The following CNTNAP3 variants were observed in gnomAD, a reference collection of about 807,000 sequenced individuals.
CNTNAP3 encodes the protein contactin-associated protein-like 3.
In CNTNAP3, 36 loss-of-function variants were observed where a neutral mutation model predicts 92.1. The ratio of observed to expected loss-of-function variants is 0.39; its 90% CI spans 0.30 to 0.52. The LOEUF (loss-of-function observed/expected upper bound fraction) is 0.52, where lower values mean the gene tolerates loss of function less well. Among genes scored for constraint, CNTNAP3 ranks in the 20% least tolerant of loss-of-function variants. CNTNAP3 has a pLI of 0.76. For synonymous variants in CNTNAP3, 232 were observed against 422.3 expected (o/e 0.55, Z 5.53); for missense variants, 534 against 1,069.6 (o/e 0.50, Z 6.98).
rs184603263 is a variant in CNTNAP3, at chr9:39,130,963, T to C, written c.2080+1969A>G. 1.8e-3 allele frequency among the ~76,000 whole-genome samples: 267 copies of C among 152,246 alleles called. 2 individuals carry two copies. Among genetic ancestry groups the C allele is most frequent in the African/African-American group, 6.3e-3 (260 of 41,526 alleles). On this transcript the variant is annotated intron_variant, in intron 13 of 23. Transcript: ENST00000297668. ...GGTTCTCTCTGTTACTTCTCACAAG[T>C]GTATGTAAATCTACAATTATCTCAA...
intron 10 of CNTNAP3, 77 bp downstream of exon 10, chr9:39,149,729 C>T (rs1402772526): frequency 5.3e-6 from 4 of 758,360 alleles, no homozygotes; most frequent in Non-Finnish European, 6.4e-6. Context: ...GAACGGAATG[C>T]CTTTTTCCAG....
At chr9:39,078,524 A>AT (rs1825844509) in intron 22 of CNTNAP3, 68 bp from the exon 23 acceptor site, 1 of 1,605,692 alleles carries the variant, frequency 6.2e-7, no homozygotes, top group African/African-American at 1.3e-5. Context: ...TACACATAGC[A>AT]AACTTGTCAA....
chr9:39,140,649 A>G lies in CNTNAP3; in HGVS notation c.1757-11T>C, dbSNP rs753672257. 6 of 1,580,488 alleles carry G rather than the reference A, an allele frequency of 3.8e-6. No individual in the cohort carries two copies. Among genetic ancestry groups the G allele is most frequent in the Non-Finnish European group, 5.1e-6 (6 of 1,168,812 alleles). ...ACTGCTCGTAGAGAGCTGTAGGAGA[A>G]CACCAGCCATAAGAACCAGAAAAAA... On this transcript the variant is annotated splice_polypyrimidine_tract_variant and intron_variant, in intron 11 of 23. Coordinates refer to ENST00000297668, the MANE Select transcript of CNTNAP3 (RefSeq NM_033655.5).
At chr9:39,108,245 TC>T (rs946788004) in intron 15 of CNTNAP3, among the ~76,000 whole-genome samples, 2 of 151,928 alleles carry the variant, frequency 1.3e-5, no homozygotes, top group Non-Finnish European at 2.9e-5. Context: ...GGTCCGGGAC[TC>T]CTTCATCAAG....
At chr9:39,113,141 T>C (rs1472842742) in intron 14 of CNTNAP3, among the ~76,000 whole-genome samples, 1 of 152,074 alleles carries the variant, frequency 6.6e-6, no homozygotes, top group Non-Finnish European at 1.5e-5. Flanking sequence ...GACACTAATA[T>C]AAACAACCTT....
intron 16 of CNTNAP3, 132 bp from the exon 17 acceptor site, chr9:39,102,847 T>G: frequency 3.1e-6 from 4 of 1,287,748 alleles, no homozygotes; most frequent in Middle Eastern, 2.6e-4. Context: ...AACGGGACTG[T>G]GAGTTGGGGT....
intron 14 of CNTNAP3, among the ~76,000 whole-genome samples, chr9:39,114,182 A>G (rs1306705869): frequency 6.8e-6 from 1 of 147,364 alleles, no homozygotes; most frequent in African/African-American, 2.5e-5. Context: ...TTCCAGCTTC[A>G]CGCCATTCTC....
chr9:39,077,602 TTAAA>T (rs1825814857), intron 23 of CNTNAP3, among the ~76,000 whole-genome samples: 1 of 145,410 alleles, frequency 6.9e-6, no homozygotes, highest in Non-Finnish European at 1.5e-5. Flanking sequence ...AAAAAACTTC[TTAAA>T]TAAGTGAAAC....
At chr9:39,088,304 T>C (rs547590065) in intron 19 of CNTNAP3, 119 bp downstream of exon 19, 401 of 901,442 alleles carry the variant, frequency 4.4e-4, no homozygotes, top group Admixed American at 7.4e-4. Flanking sequence ...ACCAAACCCA[T>C]TGGAGGGCAT....
chr9:39,132,290 G>C (rs1026341818), intron 13 of CNTNAP3, among the ~76,000 whole-genome samples: 1 of 152,172 alleles, frequency 6.6e-6, no homozygotes, highest in African/African-American at 2.4e-5. Context: ...CCGGAAAGGA[G>C]GGGGAAGTTG....
At chr9:39,076,642 T>C (rs1316649091) in intron 23 of CNTNAP3, among the ~76,000 whole-genome samples, 5 of 152,304 alleles carry the variant, frequency 3.3e-5, no homozygotes, top group African/African-American at 1.2e-4. Context: ...GTATGTGCTA[T>C]GGAGAGTCTG....
chr9:39,149,496 G>C (rs1821787784), intron 10 of CNTNAP3, among the ~76,000 whole-genome samples: 2 of 150,516 alleles, frequency 1.3e-5, no homozygotes, highest in South Asian at 2.1e-4. Context: ...ACTACAGGTG[G>C]CCGCCACCAC....
intron 18 of CNTNAP3, among the ~76,000 whole-genome samples, chr9:39,091,693 G>A (rs1180426100): frequency 6.6e-6 from 1 of 151,686 alleles, no homozygotes; most frequent in Non-Finnish European, 1.5e-5. Flanking sequence ...TCTGGCTTTG[G>A]TATTAGGGAA....
At chr9:39,117,906 A>C (rs1820897793) in intron 14 of CNTNAP3, 197 bp downstream of exon 14, 1 of 1,295,902 alleles carries the variant, frequency 7.7e-7, no homozygotes, top group Admixed American at 2.7e-5. Context: ...TATAGTATTC[A>C]CAACGAACTA....
chr9:39,087,518 G>A (rs1329180195), intron 19 of CNTNAP3, among the ~76,000 whole-genome samples: 3 of 151,314 alleles, frequency 2.0e-5, no homozygotes, highest in Admixed American at 6.6e-5. Flanking sequence ...GTGGAGTCTC[G>A]CTCTGTCACC....
chr9:39,206,635 G>A lies in CNTNAP3; in HGVS notation c.391-13360C>T, dbSNP rs1407968635. Among the ~76,000 whole-genome samples the A allele has an allele frequency of 4.3e-4, 10 of 23,030 alleles. 4 individuals are homozygous for A. The highest frequency in any genetic ancestry group is 8.9e-4 in the African/African-American group (10 of 11,298). The allele number at this position is 23,030 out of a possible 152,430, so 15.1% of individuals were successfully genotyped here. A position where few individuals can be genotyped will look rare whatever the true frequency, so the allele number is the denominator to read the frequency against. ...AGGACAACCGACTCAGACGGGGTCCGAAGAAATTCAGATCGGTGAACGGGT... is the reference window on the plus strand; with the variant it reads ...AGGACAACCGACTCAGACGGGGTCCAAAGAAATTCAGATCGGTGAACGGGT... On this transcript the variant is annotated intron_variant, in intron 3 of 23. Transcript: ENST00000297668.
At chr9:39,267,368 A>T (rs928186189) in intron 1 of CNTNAP3, among the ~76,000 whole-genome samples, 2 of 146,446 alleles carry the variant, frequency 1.4e-5, no homozygotes, top group Non-Finnish European at 3.0e-5. Context: ...ACTACTTTAA[A>T]CTCAATTTGA....
At position 39,073,679 on chromosome 9, in the gene CNTNAP3, C is replaced by T. The variant is rs1022799479; in HGVS notation, c.*211G>A. On this transcript the variant is annotated 3_prime_UTR_variant, in exon 24 of 24. Transcript: ENST00000297668. ...ATTGATGTGGAGGACTGTGTTTCAC[C>T]GAGGGAGAAAGGGACCTCCCAGAGG... 20 of 1,265,394 alleles carry T rather than the reference C, an allele frequency of 1.6e-5. No homozygotes were observed. Among genetic ancestry groups the T allele is most frequent in the African/African-American group, 1.2e-4 (8 of 67,020 alleles). 78.4% of individuals were successfully genotyped at this position (1,265,394 alleles called of 1,614,324 possible).
chr9:39,122,979 G>A (rs1821067539), intron 13 of CNTNAP3, among the ~76,000 whole-genome samples: 2 of 151,986 alleles, frequency 1.3e-5, no homozygotes, highest in South Asian at 2.1e-4. Context: ...AGACTGGGAA[G>A]TGCTGAGGAA....
Sources: gnomAD v4.1 joint callset for allele counts (sites outside exome capture counted in the v4.1 genomes callset) on GRCh38, gnomAD v4.1.1 for gene constraint, MANE v1.5 for transcripts, NCBI Gene and HGNC (gene_info 2026-07-23, HGNC 2026-07-21) for gene names.